MYLK2: variants seen among roughly 807,000 people sequenced by gnomAD.
The protein encoded by MYLK2 is myosin light chain kinase 2, skeletal/cardiac muscle.
A neutral mutation model predicts 58.2 loss-of-function variants in MYLK2; 27 were observed. That is an observed-to-expected ratio of 0.46 (90% CI 0.34 to 0.64). MYLK2 has a LOEUF of 0.64. Ranked by LOEUF, MYLK2 falls within the 30% of genes least tolerant of loss-of-function variation. The pLI is 0.01. For missense variants in MYLK2, 676 were observed against 764.3 expected (o/e 0.88, Z 1.36); for synonymous variants, 310 against 296.7 (o/e 1.04, Z -0.46).
At chr20:31,823,681 G>T (rs185745788) in intron 5 of MYLK2, 99 bp downstream of exon 5, 56 of 1,171,330 alleles carry the variant, frequency 4.8e-5, no homozygotes, top group Non-Finnish European at 6.9e-5. Flanking sequence ...CACACACCCC[G>T]CTGAGACATG....
rs1383206566 is a variant in MYLK2, at chr20:31,826,699, T to C, written c.1067T>C (p.Val356Ala). ...GCCATCGAGACTCCGCATGAGATCGTCCTGTTCATGGAGTAGTGAGTGCCC... is the reference window on the plus strand; with the variant it reads ...GCCATCGAGACTCCGCATGAGATCGCCCTGTTCATGGAGTAGTGAGTGCCC... Reference protein sequence around the residue: ...YAAIETPHEIVLFMEYIEGGE... With the variant: ...YAAIETPHEIALFMEYIEGGE... Residue 356 changes from valine (V) to alanine (A), a missense_variant, in exon 7 of 13, where the codon GTC becomes GCC. Val to Ala is a moderately conservative substitution (Grantham distance 64). Coordinates refer to ENST00000375985, the MANE Select transcript of MYLK2 (RefSeq NM_033118.4). 6.2e-7 allele frequency: 1 copy of C among 1,613,778 alleles called. No homozygotes were observed. Among genetic ancestry groups the C allele is most frequent in the East Asian group, 2.2e-5 (1 of 44,856 alleles).
chr20:31,827,409 A>G lies in MYLK2; in HGVS notation c.1224+471A>G, dbSNP rs961404891. On this transcript the variant is annotated intron_variant, in intron 8 of 12. Transcript: ENST00000375985. The stretch of plus-strand genomic sequence containing the variant: ...GGTGGTGGAGATCCTGTGGTGAACC[A>G]AACAGATAAAAATCCCTGCATTCTT... 2.0e-5 allele frequency: 20 copies of G among 985,306 alleles called. No individual in the cohort carries two copies. The African/African-American group carries it at 3.5e-4, about 17-fold the overall frequency. The allele number at this position is 985,306 out of a possible 1,614,324, so 61.0% of individuals were successfully genotyped here.
rs2062244940 is a variant in MYLK2, at chr20:31,820,216, C to T, written c.143C>T (p.Pro48Leu). 3 of 1,613,880 alleles carry T rather than the reference C, an allele frequency of 1.9e-6. No individual in the cohort carries two copies. Among genetic ancestry groups the T allele is most frequent in the Non-Finnish European group, 2.5e-6 (3 of 1,180,036 alleles). ...GACCCAAAGAAAGCTCCGGATCCAC[C>T]CACCCTGAAGAAAGATGCCAAAGCC... is the stretch of plus-strand genomic sequence containing the variant. ...PPDPKKAPDP[P>L]TLKKDAKAPA... The change falls in exon 3 of 13, where the codon CCC (proline) becomes CTC (leucine). Residue 48 changes from proline to leucine, a missense_variant. Physicochemically the swap from Pro to Leu is moderately conservative, Grantham distance 98. This residue lies in a region of MYLK2 where 306 missense variants were observed against 296.5 expected (regional missense o/e 1.03). Transcript: ENST00000375985.
intron 8 of MYLK2, chr20:31,828,400 T>C: frequency 1.0e-6 from 1 of 985,380 alleles, no homozygotes; most frequent in East Asian, 1.1e-4. Context: ...TGGATGGTAC[T>C]TTCATTCATT....
chr20:31,823,754 G>A (rs955886028), intron 5 of MYLK2, among the ~76,000 whole-genome samples, 172 bp downstream of exon 5: 1 of 152,228 alleles, frequency 6.6e-6, no homozygotes, highest in Non-Finnish European at 1.5e-5. Context: ...ACATGCTGAT[G>A]TGCACTCAGT....
intron 5 of MYLK2, 46 bp from the exon 6 acceptor site, chr20:31,824,213 C>T (rs753197564): frequency 1.3e-5 from 21 of 1,595,078 alleles, no homozygotes; most frequent in South Asian, 3.4e-5. Flanking sequence ...CCACTGACCC[C>T]GGTGGGCTCT....
chr20:31,833,182 TA>T (rs368649032), intron 12 of MYLK2, among the ~76,000 whole-genome samples: 2 of 151,950 alleles, frequency 1.3e-5, no homozygotes, highest in Admixed American at 6.6e-5. Flanking sequence ...CACTTCTAAA[TA>T]GGGGGGGTCA....
chr20:31,827,942 C>T (rs1327477255), intron 8 of MYLK2, among the ~76,000 whole-genome samples: 3 of 134,596 alleles, frequency 2.2e-5, no homozygotes, highest in Non-Finnish European at 4.6e-5. Flanking sequence ...GGCTGGAGTG[C>T]AGTGGTGTGA....
chr20:31,820,141 G>A lies in MYLK2; in HGVS notation c.68G>A (p.Gly23Asp), dbSNP rs776262276. Residue 23 changes from glycine (G) to aspartate (D), a missense_variant, in exon 3 of 13, where the codon GGT (glycine) becomes GAT (aspartate). Gly to Asp is a moderately conservative substitution (Grantham distance 94). Transcript: ENST00000375985. ...TCCTCTGCAGACAAGGCACCTAAAG[G>A]TCCCACAGGTGAAAGACCCCTGGCT... is the stretch of plus-strand genomic sequence containing the variant. Reference protein sequence around the residue: ...QNPSTDKAPKGPTGERPLAAG... With the variant: ...QNPSTDKAPKDPTGERPLAAG... 8 of 1,613,732 alleles carry A rather than the reference G, an allele frequency of 5.0e-6. No individual in the cohort carries two copies. In the Admixed American group the frequency reaches 5.0e-5, roughly 10 times the overall value.
chr20:31,827,388 G>T, intron 8 of MYLK2: 3 of 985,328 alleles, frequency 3.0e-6, no homozygotes, highest in Non-Finnish European at 3.6e-6. Context: ...GCTCTAGGTG[G>T]TGGAGATCCT....
At chr20:31,833,534 C>T (rs949077118) in intron 12 of MYLK2, among the ~76,000 whole-genome samples, 183 bp from the exon 13 acceptor site, 2 of 152,106 alleles carry the variant, frequency 1.3e-5, no homozygotes, top group African/African-American at 4.8e-5. Flanking sequence ...CTGACCTATC[C>T]GTTGAGTGAG....
At chr20:31,827,502 C>T (rs537776002) in intron 8 of MYLK2, 24 of 985,352 alleles carry the variant, frequency 2.4e-5, no homozygotes, top group Non-Finnish European at 2.9e-5. Flanking sequence ...AACAATGTTT[C>T]GTGAAAGAAT....
chr20:31,831,949 C>T (rs2062308579), intron 11 of MYLK2, 55 bp from the exon 12 acceptor site: 2 of 1,612,786 alleles, frequency 1.2e-6, no homozygotes, highest in South Asian at 1.1e-5. Context: ...GCCAGCTGAG[C>T]CCCTGGGGCC....
chr20:31,824,533 C>T (rs2062269198), intron 6 of MYLK2, 181 bp downstream of exon 6: 1 of 985,432 alleles, frequency 1.0e-6, no homozygotes, highest in Non-Finnish European at 1.2e-6. Flanking sequence ...GCCTGAGGAC[C>T]CTACCCATAA....
In MYLK2 at chr20:31,823,477, A is replaced by T. The variant is rs2123130394; in HGVS notation, c.773A>T (p.Asp258Val). 6.2e-7 allele frequency: 1 copy of T among 1,612,470 alleles called. No individual in the cohort carries two copies. Reference protein sequence around the residue: ...AREEDCFQILDDCPPPPAPFP... With the variant: ...AREEDCFQILVDCPPPPAPFP... ...ATGAGGGCTGTGCTCTGTCCCCCAG[A>T]TGATTGCCCGCCACCTCCGGCCCCC... The change falls in exon 5 of 13, where the codon GAT (aspartate) becomes GTT (valine). Residue 258 changes from aspartate (D) to valine (V), a missense_variant and splice_region_variant. Asp to Val is a radical substitution (Grantham distance 152). Transcript: ENST00000375985.
At chr20:31,827,187 A>G (rs2062285352) in intron 8 of MYLK2, 1 of 985,110 alleles carries the variant, frequency 1.0e-6, no homozygotes, top group Non-Finnish European at 1.2e-6. Context: ...CTAGTCTAGT[A>G]CTAAGTATTT....
In MYLK2 at chr20:31,820,387, A is replaced by C; in HGVS notation, c.314A>C (p.Glu105Ala). 1.2e-6 allele frequency: 2 copies of C among 1,612,764 alleles called. No individual in the cohort carries two copies. The change falls in exon 3 of 13, where the codon GAG becomes GCG. Residue 105 changes from glutamate to alanine, a missense_variant. By Grantham distance (107) the Glu-to-Ala change is moderately radical (BLOSUM62 -1). This residue lies in a region of MYLK2 where 306 missense variants were observed against 296.5 expected (regional missense o/e 1.03). Coordinates refer to ENST00000375985, the MANE Select transcript of MYLK2 (RefSeq NM_033118.4). ...CTGCCCCAGCAGACTGCGACACCTG[A>C]GACCAGCGTCAAGAAGCCCAAGGCT... ...AALPQQTATP[E>A]TSVKKPKAEQ...
intron 8 of MYLK2, 138 bp downstream of exon 8, chr20:31,827,076 AG>A (rs1355838623): frequency 4.6e-6 from 7 of 1,508,966 alleles, no homozygotes; most frequent in African/African-American, 1.4e-5. Flanking sequence ...AGATTCAGAA[AG>A]GGTTTATGGA....
At chr20:31,824,512 C>A in intron 6 of MYLK2, 160 bp downstream of exon 6, 3 of 985,444 alleles carry the variant, frequency 3.0e-6, no homozygotes, top group Non-Finnish European at 2.4e-6. Flanking sequence ...ATGGACAGCC[C>A]TGCAGCAGGG....
Sources: allele counts gnomAD v4.1 joint callset (sites outside exome capture counted in the v4.1 genomes callset), GRCh38; gene constraint gnomAD v4.1.1; regional missense constraint gnomAD v4.1.1; transcripts MANE v1.5; gene names NCBI Gene and HGNC (gene_info 2026-07-23, HGNC 2026-07-21).